RBFOX1: variants seen among roughly 807,000 people sequenced by gnomAD.
The protein encoded by RBFOX1 is RNA binding protein fox-1 homolog 1.
A neutral mutation model predicts 57.7 loss-of-function variants in RBFOX1; 8 were observed. The observed-to-expected ratio is 0.14, with a 90% CI of 0.08 to 0.25. The LOEUF (loss-of-function observed/expected upper bound fraction) is 0.25. RBFOX1 is among the 10% of genes least tolerant of loss of function. The pLI is 1.00. For synonymous variants in RBFOX1, 326 were observed against 222.4 expected, an observed-to-expected ratio of 1.47 and a Z score of -4.15; for missense variants, 611 against 548.5, an observed-to-expected ratio of 1.11 and a Z score of -1.14.
chr16:7,061,100 A>G (rs1176326446), intron 4 of RBFOX1, among the ~76,000 whole-genome samples: 3 of 152,134 alleles, frequency 2.0e-5, no homozygotes, highest in East Asian at 3.9e-4. Flanking sequence ...TTAATCTTAC[A>G]TAACGAATGG....
intron 3 of RBFOX1, among the ~76,000 whole-genome samples, chr16:5,768,358 C>A (rs2053859452): frequency 6.6e-6 from 1 of 152,152 alleles, no homozygotes; most frequent in South Asian, 2.1e-4. Context: ...TGTTAGAGTC[C>A]TACGGCTGTT....
intron 6 of RBFOX1, among the ~76,000 whole-genome samples, chr16:7,583,840 A>C (rs529984828): frequency 1.3e-5 from 2 of 152,254 alleles, no homozygotes; most frequent in Admixed American, 1.3e-4. Flanking sequence ...AAAAAAAACC[A>C]CACCAAAACA....
At chr16:5,556,773 CAA>C (rs1259323072) in intron 2 of RBFOX1, among the ~76,000 whole-genome samples, 1 of 139,668 alleles carries the variant, frequency 7.2e-6, no homozygotes, top group African/African-American at 2.5e-5. Flanking sequence ...GCCACGAAAA[CAA>C]AACAAAACAC....
intron 2 of RBFOX1, among the ~76,000 whole-genome samples, chr16:6,540,390 G>C (rs2096797155): frequency 6.6e-6 from 1 of 151,654 alleles, no homozygotes; most frequent in Non-Finnish European, 1.5e-5. Flanking sequence ...GAGCTGGGTG[G>C]GTTACAAGGT....
chr16:7,328,233 G>A lies in RBFOX1; in HGVS notation c.28-189914G>A, dbSNP rs181626154. Among the ~76,000 whole-genome samples, 684 of 152,198 alleles carry A rather than the reference G, an allele frequency of 4.5e-3. 16 individuals carry two copies. The highest frequency in any genetic ancestry group is 0.036 in the Admixed American group (552 of 15,292). ...GCGGTGGCTCATGCCTGTAATCCCA[G>A]CACTTTGGGAGGCTGCGGCAGGTAG... On this transcript the variant is annotated intron_variant, in intron 4 of 15. Coordinates refer to ENST00000550418, the MANE Select transcript of RBFOX1 (RefSeq NM_018723.4).
At chr16:6,643,600 T>C (rs1023670913) in intron 2 of RBFOX1, among the ~76,000 whole-genome samples, 5 of 152,110 alleles carry the variant, frequency 3.3e-5, no homozygotes, top group Non-Finnish European at 4.4e-5. Flanking sequence ...AGAACATTGG[T>C]TTAAATATTC....
At chr16:6,620,868 C>G (rs2098219729) in intron 2 of RBFOX1, among the ~76,000 whole-genome samples, 1 of 152,138 alleles carries the variant, frequency 6.6e-6, no homozygotes, top group Non-Finnish European at 1.5e-5. Flanking sequence ...ACTTAAAATC[C>G]CTTGTATTAG....
chr16:6,741,934 T>C (rs1011285652), intron 3 of RBFOX1, among the ~76,000 whole-genome samples: 1 of 152,186 alleles, frequency 6.6e-6, no homozygotes, highest in South Asian at 2.1e-4. Flanking sequence ...TGATAGACTG[T>C]AGTTAATAAT....
intron 1 of RBFOX1, among the ~76,000 whole-genome samples, chr16:6,250,817 T>A (rs1236768426): frequency 6.6e-6 from 1 of 152,154 alleles, no homozygotes; most frequent in African/African-American, 2.4e-5. Flanking sequence ...GCAGACATAG[T>A]ATATTTGAAT....
At chr16:6,783,281 T>TTTG (rs761756626) in intron 3 of RBFOX1, among the ~76,000 whole-genome samples, 3 of 151,884 alleles carry the variant, frequency 2.0e-5, no homozygotes, top group African/African-American at 4.8e-5. Context: ...TTAGTTGTTT[T>TTTG]TTGTTGTTGT....
At chr16:7,085,170 C>T (rs1181862719) in intron 4 of RBFOX1, among the ~76,000 whole-genome samples, 3 of 152,052 alleles carry the variant, frequency 2.0e-5, no homozygotes, top group Admixed American at 6.6e-5. Flanking sequence ...ATAAATGCCT[C>T]CAAGGGCCAG....
At chr16:6,293,406 A>G (rs2077679774) in intron 1 of RBFOX1, among the ~76,000 whole-genome samples, 1 of 151,844 alleles carries the variant, frequency 6.6e-6, no homozygotes, top group African/African-American at 2.4e-5. Context: ...AAATATTCCT[A>G]TCGCTCTGCC....
intron 4 of RBFOX1, among the ~76,000 whole-genome samples, chr16:7,184,347 A>G (rs115616576): frequency 4.1e-4 from 62 of 152,334 alleles, no homozygotes; most frequent in Admixed American, 2.2e-3. Flanking sequence ...CCTTAGCTGA[A>G]GAGAGAAAAA....
intron 4 of RBFOX1, among the ~76,000 whole-genome samples, chr16:7,303,838 C>A (rs944386641): frequency 2.0e-5 from 3 of 149,048 alleles, no homozygotes; most frequent in Non-Finnish European, 3.0e-5. Context: ...CCCACCCCTT[C>A]CTCCTCTCCC....
At chr16:6,067,379 CCAACCAAA>C (rs1387171688) in intron 1 of RBFOX1, among the ~76,000 whole-genome samples, 1 of 130,492 alleles carries the variant, frequency 7.7e-6, no homozygotes, top group African/African-American at 3.9e-5. Context: ...CAAAAACAAA[CCAACCAAA>C]CAAACAAACA....
intron 3 of RBFOX1, among the ~76,000 whole-genome samples, chr16:6,693,927 C>T (rs548979709): frequency 6.6e-6 from 1 of 152,242 alleles, no homozygotes; most frequent in South Asian, 2.1e-4. Flanking sequence ...GACTGTTTAC[C>T]CATATGAAGT....
chr16:6,127,942 TG>T (rs1293637885), intron 1 of RBFOX1, among the ~76,000 whole-genome samples: 1 of 152,134 alleles, frequency 6.6e-6, no homozygotes, highest in Admixed American at 6.5e-5. Context: ...TTAATATTCT[TG>T]GGGGTGCTAG....
chr16:7,406,908 C>T (rs1050074396), intron 4 of RBFOX1, among the ~76,000 whole-genome samples: 9 of 152,190 alleles, frequency 5.9e-5, no homozygotes, highest in Admixed American at 2.0e-4. Context: ...TGGCCCCTTC[C>T]TCCGTCTCCA....
At chr16:6,646,398 A>T (rs1166139832) in intron 2 of RBFOX1, among the ~76,000 whole-genome samples, 1 of 152,164 alleles carries the variant, frequency 6.6e-6, no homozygotes, top group Non-Finnish European at 1.5e-5. Flanking sequence ...ATTAATCCTG[A>T]CAAGAATAAA....
Sources: gnomAD v4.1 joint callset for allele counts (sites outside exome capture counted in the v4.1 genomes callset) on GRCh38, gnomAD v4.1.1 for gene constraint, MANE v1.5 for transcripts, NCBI Gene and HGNC (gene_info 2026-07-23, HGNC 2026-07-21) for gene names.